Variants in PPP6R1 observed in about 807,000 individuals in gnomAD.
PPP6R1 encodes protein phosphatase 6 regulatory subunit 1.
PPP6R1 carries 39 observed loss-of-function variants against 104.6 expected under a neutral mutation model. The observed-to-expected ratio is 0.37, with a 90% CI of 0.29 to 0.49. PPP6R1 has a LOEUF of 0.49. Ranked by LOEUF, PPP6R1 falls within the 20% of genes least tolerant of loss-of-function variation. PPP6R1 has a pLI of 0.98. For synonymous variants in PPP6R1, 549 were observed against 479.0 expected (o/e 1.15, Z -1.91); for missense variants, 1,181 against 1,155.8 (o/e 1.02, Z -0.32).
intron 1 of PPP6R1, chr19:55,247,441 G>C (rs2087519451): frequency 2.9e-6 from 1 of 339,710 alleles, no homozygotes; most frequent in African/African-American, 2.1e-5. Flanking sequence ...AAGTCCCCAG[G>C]TGTGGACCAT....
intron 17 of PPP6R1, chr19:55,232,532 C>G (rs2087359282): frequency 3.1e-6 from 1 of 326,998 alleles, no homozygotes; most frequent in Admixed American, 4.5e-5. Context: ...GACCCACTCA[C>G]CAGCTCTCAA....
Position 55,231,979 on chromosome 19 carries a change from G to T in PPP6R1, c.2129C>A (p.Pro710His), listed in dbSNP as rs1377991354. The change falls in exon 19 of 24, where the codon CCC becomes CAC. Residue 710 changes from proline (P) to histidine (H), a missense_variant. Pro to His is a moderately conservative substitution (Grantham distance 77). Transcript: ENST00000412770. ...TGGGTCAAAGGTGGCTGTCCAGCTG[G>T]GGCCTGGGATAGAGGTGGGGGAGCG... is the stretch of plus-strand genomic sequence containing the variant. ...YPSPGPQPPGPSWTATFDPVP... is the reference protein window; with the variant it reads ...YPSPGPQPPGHSWTATFDPVP... 1 of 1,600,664 alleles carries T rather than the reference G, an allele frequency of 6.2e-7. No homozygotes were observed. Among genetic ancestry groups the T allele is most frequent in the Non-Finnish European group, 8.5e-7 (1 of 1,170,988 alleles).
chr19:55,252,913 G>C (rs549368717), intron 1 of PPP6R1, among the ~76,000 whole-genome samples: 27 of 152,252 alleles, frequency 1.8e-4, no homozygotes, highest in Non-Finnish European at 3.1e-4. Context: ...CCTGCCTCAG[G>C]CCATCGGCCA....
rs930387745 is a variant in PPP6R1, at chr19:55,230,075, G to A, written c.*453C>T. On this transcript the variant is annotated 3_prime_UTR_variant, in exon 24 of 24. Coordinates refer to ENST00000412770, the MANE Select transcript of PPP6R1 (RefSeq NM_014931.4). ...CCCCCATGGTGGACCTGAGCTAAAA[G>A]GCCGGGTGTGGGCGTGGCCGTCTGC... 6.2e-6 allele frequency: 1 copy of A among 161,146 alleles called. No individual in the cohort carries two copies. The highest frequency in any genetic ancestry group is 2.4e-5 in the African/African-American group (1 of 41,608). The allele number at this position is 161,146 out of a possible 1,614,324, so 10.0% of individuals were successfully genotyped here.
rs1327788087 is a variant in PPP6R1, at chr19:55,245,141, G to A, written c.597C>T (p.Ile199=). ...TCACATTCTCATCCTTCGACGGGTG[G>A]ATCTGCTCAATCAGCCGCTGGACGA... is the stretch of plus-strand genomic sequence containing the variant. ...EKIVQRLIEQ[I]HPSKDENQHS... Residue 199 remains isoleucine (I), a synonymous_variant, in exon 5 of 24, where the codon ATC becomes ATT. Transcript: ENST00000412770. The surrounding 1 kb of genome is among the most constrained non-coding windows in gnomAD (Gnocchi z 6.4). The A allele has an allele frequency of 5.6e-6, 9 of 1,613,348 alleles. No homozygotes were observed. The highest frequency in any genetic ancestry group is 5.9e-6 in the Non-Finnish European group (7 of 1,179,772).
chr19:55,240,642 C>T (rs368757585), intron 10 of PPP6R1, among the ~76,000 whole-genome samples: 3 of 151,884 alleles, frequency 2.0e-5, no homozygotes, highest in Non-Finnish European at 4.4e-5. Flanking sequence ...CTCTCACACA[C>T]GCTTGCACTG....
At chr19:55,240,862 AGGAGTGAGGG>A in intron 10 of PPP6R1, 73 bp downstream of exon 10, 1 of 1,505,452 alleles carries the variant, frequency 6.6e-7, no homozygotes, top group Middle Eastern at 2.3e-4. Flanking sequence ...TGTGGGAGGA[AGGAGTGAGGG>A]GTAGGCCTCT....
chr19:55,253,628 T>C (rs1316837005), intron 1 of PPP6R1, among the ~76,000 whole-genome samples: 1 of 152,154 alleles, frequency 6.6e-6, no homozygotes, highest in Non-Finnish European at 1.5e-5. Context: ...AAGGCTCAAA[T>C]GCAATTGAGT....
chr19:55,255,242 G>T (rs117735056), intron 1 of PPP6R1, among the ~76,000 whole-genome samples: 5,128 of 152,312 alleles, frequency 0.034, 126 homozygotes, highest in Admixed American at 0.065. Flanking sequence ...CAAGGACTGG[G>T]ACGGGGACTT....
chr19:55,228,753 AG>A (rs1184698711), downstream of PPP6R1: 5 of 1,612,646 alleles, frequency 3.1e-6, no homozygotes, highest in South Asian at 5.5e-5. Context: ...CTGGCCTGAT[AG>A]CCCCAGAGCG....
rs776734949 is a variant in PPP6R1 at position 55,239,697 on chromosome 19, G to A, written c.1564-14C>T. ...GTGGGTGTTCACCTGGGGAGAGGAG[G>A]GGGCGTCAGGGCCTGCTGGAGCCCC... On this transcript the variant is annotated splice_polypyrimidine_tract_variant and intron_variant, in intron 13 of 23. Coordinates refer to ENST00000412770, the MANE Select transcript of PPP6R1 (RefSeq NM_014931.4). 14 of 1,603,916 alleles carry A rather than the reference G, an allele frequency of 8.7e-6. No individual in the cohort carries two copies. In the Middle Eastern group the frequency reaches 1.3e-3, roughly 152 times the overall value.
chr19:55,240,933 G>A lies in PPP6R1; in HGVS notation c.1296+12C>T. The A allele has an allele frequency of 6.2e-7, 1 of 1,603,288 alleles. No homozygotes were observed. The highest frequency in any genetic ancestry group is 2.2e-5 in the East Asian group (1 of 44,584). On this transcript the variant is annotated intron_variant, in intron 10 of 23. Transcript: ENST00000412770. ...GGCCCAGAAGGAGGGGGACCAGGGA[G>A]TCCCAGCTCACATGTTTCACAACAG...
rs907259757 is a variant in PPP6R1 at position 55,236,443 on chromosome 19, G to A, written c.1988+200C>T. On this transcript the variant is annotated intron_variant, in intron 17 of 23. Transcript: ENST00000412770. ...AGTACTGGGATTACAGGCACTCAGG[G>A]ATTACATGAGCCCACCATGCTTGGC... is the stretch of plus-strand genomic sequence containing the variant. 12 of 609,798 alleles carry A rather than the reference G, an allele frequency of 2.0e-5. No homozygotes were observed. The East Asian group carries it at 3.0e-4, about 15-fold the overall frequency. 37.8% of individuals were successfully genotyped at this position (609,798 alleles called of 1,614,324 possible). A position where few individuals can be genotyped will look rare whatever the true frequency, so the allele number is the denominator to read the frequency against.
chr19:55,241,778 C>A lies in PPP6R1; in HGVS notation c.846-139G>T. On this transcript the variant is annotated intron_variant, in intron 7 of 23. Transcript: ENST00000412770. The surrounding 1 kb of genome is among the most constrained non-coding windows in gnomAD (Gnocchi z 5.4). ...CCCCCAGCGCCGCTCTCTTCTGAGG[C>A]CCTTCAGACAACACCTGGCTGGGGT... 1 of 1,120,274 alleles carries A rather than the reference C, an allele frequency of 8.9e-7. No individual in the cohort carries two copies. 69.4% of individuals were successfully genotyped at this position (1,120,274 alleles called of 1,614,324 possible). A position where few individuals can be genotyped will look rare whatever the true frequency, so the allele number is the denominator to read the frequency against.
At chr19:55,231,113 C>G (rs1001625710) in intron 21 of PPP6R1, among the ~76,000 whole-genome samples, 1 of 152,130 alleles carries the variant, frequency 6.6e-6, no homozygotes. Context: ...AGGAGGTACT[C>G]GAGGCCGGCT....
At chr19:55,228,791 G>C (rs966839303), downstream of PPP6R1, 2 of 1,587,904 alleles carry the variant, frequency 1.3e-6, no homozygotes, top group Non-Finnish European at 1.7e-6. Flanking sequence ...AGTGGCTTCA[G>C]GGGGTGGAGG....
downstream of PPP6R1, chr19:55,228,368 G>A (rs2087304883): frequency 6.2e-7 from 1 of 1,613,930 alleles, no homozygotes; most frequent in Non-Finnish European, 8.5e-7. Flanking sequence ...TGGTCCTCGG[G>A]AATCCAGAGG....
At chr19:55,250,753 G>A (rs556160567) in intron 1 of PPP6R1, among the ~76,000 whole-genome samples, 4 of 151,534 alleles carry the variant, frequency 2.6e-5, no homozygotes, top group Admixed American at 2.0e-4. Context: ...CTCCCACCCC[G>A]ACCCAGGCAC....
chr19:55,234,290 G>T (rs1173496094), intron 17 of PPP6R1, among the ~76,000 whole-genome samples: 4 of 152,176 alleles, frequency 2.6e-5, no homozygotes. Flanking sequence ...CAGCAACCAG[G>T]CCAGTGTGGT....
Sources: allele counts gnomAD v4.1 joint callset (sites outside exome capture counted in the v4.1 genomes callset), GRCh38; gene constraint gnomAD v4.1.1; non-coding constraint Gnocchi (gnomAD v3.1); transcripts MANE v1.5; gene names NCBI Gene and HGNC (gene_info 2026-07-23, HGNC 2026-07-21).